NUP205: variants seen among roughly 807,000 people sequenced by gnomAD.
NUP205 encodes the protein nucleoporin 205, also known as nuclear pore complex protein Nup205.
Under a neutral mutation model 253.8 loss-of-function variants are expected in NUP205, and 76 were observed. The ratio of observed to expected loss-of-function variants is 0.30; its 90% CI spans 0.25 to 0.36. The LOEUF (loss-of-function observed/expected upper bound fraction) is 0.36. Ranked by LOEUF, NUP205 falls within the 10% of genes least tolerant of loss-of-function variation. The probability of loss-of-function intolerance (pLI) is 1.00; values close to 1 mark genes in which losing one functional copy is unlikely to be tolerated. For missense variants in NUP205, 2,162 were observed against 2,425.5 expected (o/e 0.89, Z 2.28); for synonymous variants, 832 against 850.1 (o/e 0.98, Z 0.37).
intron 33 of NUP205, 75 bp downstream of exon 33, chr7:135,626,436 A>C: frequency 6.6e-7 from 1 of 1,506,506 alleles, no homozygotes; most frequent in South Asian, 1.3e-5. Context: ...TTCCAAACAT[A>C]ATTTTGCCGC....
intron 33 of NUP205, among the ~76,000 whole-genome samples, 200 bp from the exon 34 acceptor site, chr7:135,627,771 CTG>C (rs1794624218): frequency 6.6e-6 from 1 of 152,142 alleles, no homozygotes; most frequent in Non-Finnish European, 1.5e-5. Flanking sequence ...ATTCAAATAA[CTG>C]TTTTTACTAA....
intron 22 of NUP205, among the ~76,000 whole-genome samples, chr7:135,608,007 GC>G (rs532781089): frequency 8.8e-4 from 125 of 141,810 alleles, no homozygotes; most frequent in African/African-American, 3.0e-3. Context: ...TTGCCACATT[GC>G]CCAGGCTGGG....
At position 135,579,519 on chromosome 7, in the gene NUP205, A is replaced by G. The variant is rs544502275; in HGVS notation, c.1042+604A>G. Among the ~76,000 whole-genome samples the G allele has an allele frequency of 4.6e-5, 7 of 152,226 alleles. No homozygotes were observed. In the South Asian group the frequency reaches 1.0e-3, roughly 23 times the overall value. ...CTTAAATGTTTTTTAAAATTAAAAT[A>G]TACTATTCCTTTTATTTTTATATAT... On this transcript the variant is annotated intron_variant, in intron 7 of 42. Transcript: ENST00000285968.
At chr7:135,565,367 C>T (rs1354225927) in intron 1 of NUP205, among the ~76,000 whole-genome samples, 2 of 152,008 alleles carry the variant, frequency 1.3e-5, no homozygotes, top group African/African-American at 4.8e-5. Context: ...ATTCTGAGTC[C>T]TTTCTGTTAC....
At chr7:135,626,526 T>G (rs1299767417) in intron 33 of NUP205, among the ~76,000 whole-genome samples, 165 bp downstream of exon 33, 1 of 152,190 alleles carries the variant, frequency 6.6e-6, no homozygotes, top group East Asian at 1.9e-4. Context: ...TGGAAGTTGC[T>G]ACTAGGGAAA....
intron 16 of NUP205, 50 bp downstream of exon 16, chr7:135,601,019 A>T (rs1386713821): frequency 2.1e-6 from 2 of 949,096 alleles, no homozygotes; most frequent in East Asian, 5.1e-5. Flanking sequence ...TTTATAATTT[A>T]TAAATTATGG....
intron 12 of NUP205, among the ~76,000 whole-genome samples, chr7:135,594,078 C>T (rs2129490329): frequency 6.6e-6 from 1 of 152,026 alleles, no homozygotes; most frequent in Non-Finnish European, 1.5e-5. Context: ...TGACTCTGTA[C>T]CCTATAAATA....
Position 135,576,343 on chromosome 7 carries a change from G to A in NUP205, c.417G>A (p.Lys139=), listed in dbSNP as rs753929099. Residue 139 remains lysine (K), a synonymous_variant, in exon 4 of 43, where the codon AAG becomes AAA. Transcript: ENST00000285968. ...LVAVLLYWDG[K]RCIANSLKAL... The stretch of plus-strand genomic sequence containing the variant: ...CTGTTCTTCTGTACTGGGATGGAAA[G>A]CGATGCATTGCGAATTCCTTGAAAG... 9 of 1,613,782 alleles carry A rather than the reference G, an allele frequency of 5.6e-6. No homozygotes were observed. Among genetic ancestry groups the A allele is most frequent in the Non-Finnish European group, 7.6e-6 (9 of 1,179,778 alleles).
chr7:135,612,421 AT>A (rs569062607), intron 22 of NUP205, among the ~76,000 whole-genome samples: 2 of 152,340 alleles, frequency 1.3e-5, no homozygotes, highest in South Asian at 4.1e-4. Context: ...CCTGAATGAA[AT>A]TTATCTAATG....
intron 35 of NUP205, among the ~76,000 whole-genome samples, chr7:135,633,837 C>T (rs566909590): frequency 1.3e-5 from 2 of 152,246 alleles, no homozygotes; most frequent in Admixed American, 6.5e-5. Flanking sequence ...AAAAATAATA[C>T]CAAATATCCT....
intron 9 of NUP205, 77 bp downstream of exon 9, chr7:135,587,768 G>A (rs1806511117): frequency 1.3e-6 from 2 of 1,534,922 alleles, no homozygotes; most frequent in Admixed American, 2.0e-5. Flanking sequence ...AAAATTTCAG[G>A]TGTAATACTT....
chr7:135,634,286 G>A (rs1346875698), intron 35 of NUP205, among the ~76,000 whole-genome samples: 2 of 152,180 alleles, frequency 1.3e-5, no homozygotes, highest in Non-Finnish European at 2.9e-5. Context: ...ACATAGAATA[G>A]TTAGATGGCA....
intron 42 of NUP205, among the ~76,000 whole-genome samples, chr7:135,647,161 T>C (rs746856718): frequency 1.3e-5 from 2 of 152,228 alleles, no homozygotes; most frequent in Non-Finnish European, 2.9e-5. Context: ...GTTATGTTTC[T>C]AACAAAGCAG....
At chr7:135,559,089 A>G (rs11767351) in intron 1 of NUP205, among the ~76,000 whole-genome samples, 33,795 of 152,126 alleles carry the variant, frequency 0.22, 4,344 homozygotes, top group East Asian at 0.5. Flanking sequence ...TGGAGTAGTT[A>G]CTGTTACATA....
intron 31 of NUP205, 115 bp from the exon 32 acceptor site, chr7:135,625,049 T>A: frequency 1.1e-6 from 1 of 892,022 alleles, no homozygotes; most frequent in Non-Finnish European, 1.7e-6. Context: ...CAAGTAACAT[T>A]CTCTTTATGA....
chr7:135,577,033 A>G lies in NUP205; in HGVS notation c.553A>G (p.Lys185Glu), dbSNP rs749123720. The stretch of plus-strand genomic sequence containing the variant: ...GCTGATGGAGCAAGGATTGACTTAT[A>G]AAGTTCTTACGCTGGTGTCACAGAT... ...DELMEQGLTY[K>E]VLTLVSQIDV... is the part of the protein sequence containing the mutation. Residue 185 changes from lysine (K) to glutamate (E), a missense_variant, in exon 5 of 43, where the codon AAA becomes GAA. By Grantham distance (56) the Lys-to-Glu change is moderately conservative. Around this residue, in one of 5 missense-constraint regions of NUP205, gnomAD observed 892 missense variants for 957.1 expected, o/e 0.93. Coordinates refer to ENST00000285968, the MANE Select transcript of NUP205 (RefSeq NM_015135.3). 1.2e-6 allele frequency: 2 copies of G among 1,614,016 alleles called. No homozygotes were observed. Among genetic ancestry groups the G allele is most frequent in the Non-Finnish European group, 1.7e-6 (2 of 1,179,978 alleles).
At chr7:135,606,468 T>G (rs896547690) in intron 20 of NUP205, among the ~76,000 whole-genome samples, 7 of 152,198 alleles carry the variant, frequency 4.6e-5, no homozygotes, top group Admixed American at 2.6e-4. Flanking sequence ...TTTGGATTTT[T>G]GGATTATACA....
intron 42 of NUP205, among the ~76,000 whole-genome samples, chr7:135,647,487 T>G (rs975367287): frequency 1.3e-5 from 2 of 152,204 alleles, no homozygotes; most frequent in Admixed American, 6.5e-5. Flanking sequence ...ATGTGCAAAA[T>G]TAGCCAAAGA....
intron 1 of NUP205, among the ~76,000 whole-genome samples, chr7:135,561,095 A>G (rs1281080629): frequency 4.6e-5 from 7 of 152,214 alleles, no homozygotes; most frequent in African/African-American, 1.7e-4. Flanking sequence ...CTGTAATCCC[A>G]GCACTTTGGG....
Sources: allele counts gnomAD v4.1 joint callset (sites outside exome capture counted in the v4.1 genomes callset), GRCh38; gene constraint gnomAD v4.1.1; regional missense constraint gnomAD v4.1.1; transcripts MANE v1.5; gene names NCBI Gene and HGNC (gene_info 2026-07-23, HGNC 2026-07-21).